Variants in PPARGC1A observed in about 807,000 individuals in gnomAD.
The protein encoded by PPARGC1A is PPARG coactivator 1 alpha, also known as peroxisome proliferator-activated receptor gamma coactivator 1-alpha.
PPARGC1A carries 25 observed loss-of-function variants against 88.7 expected under a neutral mutation model. The ratio of observed to expected loss-of-function variants is 0.28; its 90% CI spans 0.21 to 0.39. The LOEUF is 0.39. Among genes scored for constraint, PPARGC1A ranks in the 10% least tolerant of loss-of-function variants. The pLI, the probability that PPARGC1A is intolerant of heterozygous loss-of-function variation, is 1.00. For missense variants in PPARGC1A, 880 were observed against 968.7 expected, an observed-to-expected ratio of 0.91 and a Z score of 1.22; for synonymous variants, 363 against 355.6, an observed-to-expected ratio of 1.02 and a Z score of -0.24.
chr4:24,152,518 T>C, the PPARGC1A span, among the ~76,000 whole-genome samples: 3 of 152,196 alleles, frequency 2.0e-5, no homozygotes, highest in Non-Finnish European at 4.4e-5. Context: ...AGTTGAGCTT[T>C]TGAGGTTGAA....
At chr4:23,881,287 G>C (rs1185364341) in intron 2 of PPARGC1A, 1 of 152,086 alleles carries the variant, frequency 6.6e-6, no homozygotes, top group Non-Finnish European at 1.5e-5. Flanking sequence ...TTTTAAAGTG[G>C]CTTCTGAATC....
At chr4:24,351,137 G>A in the PPARGC1A span, among the ~76,000 whole-genome samples, 1 of 152,158 alleles carries the variant, frequency 6.6e-6, no homozygotes, top group African/African-American at 2.4e-5. Context: ...AGGCTGAGGT[G>A]GGAGAATGGC....
chr4:24,127,564 G>GAT, the PPARGC1A span, among the ~76,000 whole-genome samples: 11 of 151,368 alleles, frequency 7.3e-5, no homozygotes, highest in East Asian at 1.2e-3. Flanking sequence ...CGCGCGTGTG[G>GAT]ATATATATAT....
At chr4:24,459,113 A>C in the PPARGC1A span, among the ~76,000 whole-genome samples, 4 of 152,222 alleles carry the variant, frequency 2.6e-5, no homozygotes, top group Admixed American at 2.0e-4. Flanking sequence ...ATTACTTGCA[A>C]AAATAATGCT....
chr4:24,044,462 G>A, the PPARGC1A span, among the ~76,000 whole-genome samples: 1 of 152,106 alleles, frequency 6.6e-6, no homozygotes, highest in Non-Finnish European at 1.5e-5. Flanking sequence ...ATTCACAGAA[G>A]CCTCTGTAGG....
At chr4:24,305,270 A>G in the PPARGC1A span, among the ~76,000 whole-genome samples, 6 of 151,336 alleles carry the variant, frequency 4.0e-5, no homozygotes, top group Non-Finnish European at 7.4e-5. Flanking sequence ...ATGATATCTA[A>G]GAAGCAGGGT....
chr4:23,812,615 G>T, intron 10 of PPARGC1A, 132 bp downstream of exon 10: 1 of 1,409,074 alleles, frequency 7.1e-7, no homozygotes, highest in Non-Finnish European at 9.6e-7. Context: ...ATATTTTAAA[G>T]CCAAAAGGCT....
chr4:23,974,288 A>T, the PPARGC1A span, among the ~76,000 whole-genome samples: 15 of 152,174 alleles, frequency 9.9e-5, 1 homozygote, highest in African/African-American at 3.1e-4. Flanking sequence ...TCTGCTATGG[A>T]TCCAAAATAA....
At chr4:23,945,162 A>AAT in the PPARGC1A span, among the ~76,000 whole-genome samples, 1 of 152,142 alleles carries the variant, frequency 6.6e-6, no homozygotes, top group Non-Finnish European at 1.5e-5. Context: ...CAGATGGAGC[A>AAT]ATAAAAAGTC....
At chr4:24,438,470 C>T in the PPARGC1A span, among the ~76,000 whole-genome samples, 1 of 152,120 alleles carries the variant, frequency 6.6e-6, no homozygotes, top group African/African-American at 2.4e-5. Flanking sequence ...GTGTCTCACT[C>T]ATGGCAATAA....
chr4:24,284,683 T>C, the PPARGC1A span, among the ~76,000 whole-genome samples: 4 of 152,154 alleles, frequency 2.6e-5, no homozygotes, highest in African/African-American at 9.7e-5. Flanking sequence ...ACTTTCCCAA[T>C]ATGTCTCTGC....
chr4:23,857,420 GATAA>G, intron 2 of PPARGC1A, among the ~76,000 whole-genome samples: 1 of 148,138 alleles, frequency 6.8e-6, no homozygotes, highest in South Asian at 2.1e-4. Context: ...GTACTAAATA[GATAA>G]ATATACATTT....
chr4:24,378,444 T>A, the PPARGC1A span, among the ~76,000 whole-genome samples: 1 of 152,102 alleles, frequency 6.6e-6, no homozygotes, highest in Admixed American at 6.5e-5. Context: ...TATCTTTACC[T>A]ATTTATAAAC....
chr4:24,176,446 T>A, the PPARGC1A span, among the ~76,000 whole-genome samples: 1 of 152,000 alleles, frequency 6.6e-6, no homozygotes, highest in Non-Finnish European at 1.5e-5. Context: ...ACAAGAATCA[T>A]CCTGGAATGT....
At chr4:24,213,401 C>T in the PPARGC1A span, among the ~76,000 whole-genome samples, 16 of 152,158 alleles carry the variant, frequency 1.1e-4, no homozygotes, top group South Asian at 2.9e-3. Flanking sequence ...CTCCTGACCT[C>T]GTGATCCGCC....
the PPARGC1A span, among the ~76,000 whole-genome samples, chr4:23,913,903 G>T: frequency 5.3e-5 from 8 of 152,170 alleles, no homozygotes; most frequent in Non-Finnish European, 1.2e-4. Context: ...CATTCTACAG[G>T]CTGCACCTCA....
the PPARGC1A span, among the ~76,000 whole-genome samples, chr4:24,241,158 T>C: frequency 1.7e-3 from 259 of 152,376 alleles, 1 homozygote; most frequent in African/African-American, 6.0e-3. Flanking sequence ...AGTTTGTGTA[T>C]ACTTTCTATA....
rs1577484615 is a variant in PPARGC1A, at chr4:23,844,820, T to TATATATTATTATAATATATGAC, written c.235-13070_235-13069insGTCATATATTATAATAATATAT. ...TGATATATATTATTATAATATATGA[T>TATATATTATTATAATATATGAC]ATATATTATTATAATATATGATATA... On this transcript the variant is annotated intron_variant, in intron 2 of 12. Coordinates refer to ENST00000264867, the MANE Select transcript of PPARGC1A (RefSeq NM_013261.5). 3.1e-5 allele frequency among the ~76,000 whole-genome samples: 4 copies of TATATATTATTATAATATATGAC among 128,530 alleles called. No homozygotes were observed. The East Asian group carries it at 8.5e-4, about 27-fold the overall frequency. 84.3% of individuals were successfully genotyped at this position (128,530 alleles called of 152,430 possible). A position where few individuals can be genotyped will look rare whatever the true frequency, so the allele number is the denominator to read the frequency against.
chr4:24,070,380 C>G, the PPARGC1A span, among the ~76,000 whole-genome samples: 1 of 152,172 alleles, frequency 6.6e-6, no homozygotes, highest in Non-Finnish European at 1.5e-5. Context: ...TGATGGCAAA[C>G]ATATCTGGCT....
Sources: gnomAD v4.1 joint callset for allele counts (sites outside exome capture counted in the v4.1 genomes callset) on GRCh38, gnomAD v4.1.1 for gene constraint, MANE v1.5 for transcripts, NCBI Gene and HGNC (gene_info 2026-07-23, HGNC 2026-07-21) for gene names.